DCC: variants seen among roughly 807,000 people sequenced by gnomAD.
DCC encodes DCC netrin 1 receptor.
DCC carries 58 observed loss-of-function variants against 172.5 expected under a neutral mutation model. The observed-to-expected ratio is 0.34, with a 90% CI of 0.27 to 0.42. The LOEUF is 0.42. Among genes scored for constraint, DCC ranks in the 10% least tolerant of loss-of-function variants. DCC has a pLI of 1.00. For synonymous variants in DCC, 709 were observed against 644.5 expected, an observed-to-expected ratio of 1.10 and a Z score of -1.52; for missense variants, 1,740 against 1,791.0, an observed-to-expected ratio of 0.97 and a Z score of 0.51.
At chr18:52,794,928 T>G (rs566552802) in intron 2 of DCC, among the ~76,000 whole-genome samples, 73 of 152,202 alleles carry the variant, frequency 4.8e-4, no homozygotes, top group African/African-American at 1.7e-3. Flanking sequence ...GTGTATCTCA[T>G]GTATTGATTT....
At chr18:53,213,895 T>G (rs1207418349) in intron 11 of DCC, among the ~76,000 whole-genome samples, 1 of 95,386 alleles carries the variant, frequency 1.0e-5, no homozygotes, top group Non-Finnish European at 2.2e-5. Flanking sequence ...TACTTTAACT[T>G]AAAAATTTAC....
chr18:52,976,813 A>G (rs1172982062), intron 5 of DCC, among the ~76,000 whole-genome samples: 2 of 152,204 alleles, frequency 1.3e-5, no homozygotes, highest in East Asian at 1.9e-4. Flanking sequence ...TGTTTTCACT[A>G]TCTTACATAT....
intron 5 of DCC, among the ~76,000 whole-genome samples, chr18:52,996,028 C>G (rs1158517405): frequency 6.6e-6 from 1 of 151,882 alleles, no homozygotes; most frequent in Non-Finnish European, 1.5e-5. Flanking sequence ...ACCTTTGACA[C>G]CATTCAGAAG....
At chr18:53,155,175 G>T (rs1002941940) in intron 7 of DCC, among the ~76,000 whole-genome samples, 2 of 151,624 alleles carry the variant, frequency 1.3e-5, no homozygotes, top group African/African-American at 4.9e-5. Flanking sequence ...AATGTTTCTG[G>T]AACCATTAGA....
chr18:52,700,320 A>G (rs2036098844), intron 1 of DCC, among the ~76,000 whole-genome samples: 1 of 142,036 alleles, frequency 7.0e-6, no homozygotes, highest in East Asian at 2.1e-4. Flanking sequence ...ACACATGCAC[A>G]CTCACGGAAT....
chr18:52,927,109 G>GTATATACGTGTA (rs754766265), intron 5 of DCC, among the ~76,000 whole-genome samples: 1,620 of 84,822 alleles, frequency 0.019, 475 homozygotes, highest in Middle Eastern at 0.026. Flanking sequence ...GTATATACAC[G>GTATATACGTGTA]TATATACGTG....
rs2057094651 is a variant in DCC at position 53,298,485 on chromosome 18, A to C, written c.1912-7093A>C. Among the ~76,000 whole-genome samples the C allele has an allele frequency of 2.4e-5, 3 of 127,106 alleles. No individual in the cohort carries two copies. In the Admixed American group the frequency reaches 3.0e-4, roughly 13 times the overall value. 83.4% of individuals were successfully genotyped at this position (127,106 alleles called of 152,430 possible). On this transcript the variant is annotated intron_variant, in intron 12 of 28. Transcript: ENST00000442544. ...GTAGGCTGCAGTGAGCCCTGATTGC[A>C]CCACTGCACTCCAGCCTGGATGACA...
At chr18:53,027,877 C>T (rs1163791352) in intron 5 of DCC, among the ~76,000 whole-genome samples, 1 of 151,666 alleles carries the variant, frequency 6.6e-6, no homozygotes, top group African/African-American at 2.4e-5. Flanking sequence ...GAGACAGTGG[C>T]ATTATAAAGG....
At chr18:52,949,725 G>T (rs1018197059) in intron 5 of DCC, among the ~76,000 whole-genome samples, 1 of 152,158 alleles carries the variant, frequency 6.6e-6, no homozygotes, top group Non-Finnish European at 1.5e-5. Context: ...GACAGACAGT[G>T]GCAACACTCT....
Position 53,533,633 on chromosome 18 carries a change from AT to A in DCC, c.*2983del, listed in dbSNP as rs1333700271. 6.6e-6 allele frequency: 1 copy of A among 152,178 alleles called. No individual in the cohort carries two copies. The highest frequency in any genetic ancestry group is 1.5e-5 in the Non-Finnish European group (1 of 68,022). 9.4% of individuals were successfully genotyped at this position (152,178 alleles called of 1,614,324 possible). ...ATGATGCTCTAGCCAAAAGTTAAAT[AT>A]TTCGTAGTGAATCATAGCCAATAAG... On this transcript the variant is annotated 3_prime_UTR_variant, in exon 29 of 29. Coordinates refer to ENST00000442544, the MANE Select transcript of DCC (RefSeq NM_005215.4).
chr18:52,937,513 T>C (rs2040398100), intron 5 of DCC, among the ~76,000 whole-genome samples: 1 of 152,110 alleles, frequency 6.6e-6, no homozygotes, highest in Admixed American at 6.6e-5. Context: ...ATTTGTATGA[T>C]TGTGACTTTA....
At chr18:53,239,385 G>GCA (rs201488165) in intron 12 of DCC, among the ~76,000 whole-genome samples, 2,930 of 152,098 alleles carry the variant, frequency 0.019, 101 homozygotes, top group African/African-American at 0.067. Context: ...CAGAGTCACT[G>GCA]CACCATGAGT....
chr18:53,006,581 C>T (rs935271931), intron 5 of DCC, among the ~76,000 whole-genome samples: 2 of 152,136 alleles, frequency 1.3e-5, no homozygotes, highest in African/African-American at 2.4e-5. Context: ...AAGAATCCCA[C>T]GTGAATGCTA....
At chr18:53,208,772 C>T (rs919615058) in intron 11 of DCC, among the ~76,000 whole-genome samples, 1 of 152,142 alleles carries the variant, frequency 6.6e-6, no homozygotes, top group Non-Finnish European at 1.5e-5. Context: ...CTCTGTCACC[C>T]AGGTTGGCAT....
At chr18:52,905,019 CA>C (rs1241896375) in intron 2 of DCC, among the ~76,000 whole-genome samples, 1 of 152,044 alleles carries the variant, frequency 6.6e-6, no homozygotes, top group Non-Finnish European at 1.5e-5. Flanking sequence ...TTGTTCATAT[CA>C]GGGGGTTTGA....
chr18:52,996,195 C>T (rs2041475112), intron 5 of DCC, among the ~76,000 whole-genome samples: 1 of 151,848 alleles, frequency 6.6e-6, no homozygotes, highest in Non-Finnish European at 1.5e-5. Flanking sequence ...CATACAGTGC[C>T]ACTCAACCTT....
chr18:53,106,397 C>T (rs2043248322), intron 7 of DCC, among the ~76,000 whole-genome samples: 2 of 151,882 alleles, frequency 1.3e-5, no homozygotes, highest in Admixed American at 1.3e-4. Flanking sequence ...TGCTTCCTTG[C>T]AAGCTGAAAC....
Position 53,200,981 on chromosome 18 carries a change from T to C in DCC, c.1574-4235T>C, listed in dbSNP as rs550047288. The stretch of plus-strand genomic sequence containing the variant: ...TTCTCAGCAAATTTGCCACCTACTA[T>C]GCATGTGGTGGATCAGATAAGGTGC... On this transcript the variant is annotated intron_variant, in intron 9 of 28. Transcript: ENST00000442544. Among the ~76,000 whole-genome samples, 3 of 152,264 alleles carry C rather than the reference T, an allele frequency of 2.0e-5. No homozygotes were observed. The South Asian group carries it at 6.2e-4, about 32-fold the overall frequency.
At chr18:53,207,509 T>C (rs934746149) in intron 10 of DCC, among the ~76,000 whole-genome samples, 170 bp from the exon 11 acceptor site, 1 of 152,118 alleles carries the variant, frequency 6.6e-6, no homozygotes, top group African/African-American at 2.4e-5. Flanking sequence ...TACAGATTAG[T>C]TGGTTTTTAG....
Sources: allele counts gnomAD v4.1 joint callset (sites outside exome capture counted in the v4.1 genomes callset), GRCh38; gene constraint gnomAD v4.1.1; transcripts MANE v1.5; gene names NCBI Gene and HGNC (gene_info 2026-07-23, HGNC 2026-07-21).